PIWIL1: variants seen among roughly 807,000 people sequenced by gnomAD.
The protein encoded by PIWIL1 is piwi like RNA-mediated gene silencing 1, also known as piwi-like protein 1.
A neutral mutation model predicts 114.4 loss-of-function variants in PIWIL1; 73 were observed. That is an observed-to-expected ratio of 0.64 (90% CI 0.53 to 0.78). PIWIL1 has a LOEUF of 0.78. Among genes scored for constraint, PIWIL1 ranks in the 30% least tolerant of loss-of-function variants. The probability of loss-of-function intolerance (pLI) is 0.00; values close to 1 mark genes in which losing one functional copy is unlikely to be tolerated. For missense variants in PIWIL1, 723 were observed against 1,063.1 expected, an observed-to-expected ratio of 0.68 and a Z score of 4.45; for synonymous variants, 375 against 369.0, an observed-to-expected ratio of 1.02 and a Z score of -0.19.
At chr12:130,424,326 C>T in the PIWIL1 span, 2 of 1,231,692 alleles carry the variant, frequency 1.6e-6, no homozygotes, top group Admixed American at 4.2e-5. This position sits in a 1 kb window ranked among gnomAD's most constrained non-coding sequence, Gnocchi z 9.8. Context: ...CCTGAGGAGG[C>T]CACCAGGGCC....
chr12:130,375,532 G>A (rs934522591), downstream of PIWIL1, among the ~76,000 whole-genome samples: 7 of 152,168 alleles, frequency 4.6e-5, no homozygotes, highest in African/African-American at 1.4e-4. Context: ...CGGCACGCAC[G>A]GTCTGTGCAC....
chr12:130,375,263 G>T (rs769376807), downstream of PIWIL1, among the ~76,000 whole-genome samples: 2 of 152,140 alleles, frequency 1.3e-5, no homozygotes. Context: ...AATAAACACG[G>T]CTGGAGAAAA....
the PIWIL1 span, among the ~76,000 whole-genome samples, chr12:130,380,896 C>G: frequency 1.3e-5 from 2 of 152,160 alleles, no homozygotes; most frequent in African/African-American, 2.4e-5. Context: ...ACAAAGTAGG[C>G]CCTAGGTAGA....
chr12:130,357,662 T>C, intron 14 of PIWIL1, 109 bp downstream of exon 14: 1 of 691,372 alleles, frequency 1.4e-6, no homozygotes, highest in Non-Finnish European at 2.6e-6. Flanking sequence ...TAATAGGTTC[T>C]CAAACTAGGC....
chr12:130,389,789 TCTAA>T, the PIWIL1 span, among the ~76,000 whole-genome samples: 6 of 152,202 alleles, frequency 3.9e-5, no homozygotes, highest in Non-Finnish European at 1.5e-5. Flanking sequence ...TTTCTTCCTA[TCTAA>T]CATCTTAAGT....
intron 12 of PIWIL1, 32 bp downstream of exon 12, chr12:130,355,699 T>G: frequency 6.9e-7 from 1 of 1,449,672 alleles, no homozygotes; most frequent in Non-Finnish European, 9.7e-7. Context: ...GTTGTTGTTG[T>G]TTTTGAGACG....
At chr12:130,370,783 C>T (rs564731402) in intron 19 of PIWIL1, among the ~76,000 whole-genome samples, 3 of 152,166 alleles carry the variant, frequency 2.0e-5, no homozygotes, top group Admixed American at 6.5e-5. Flanking sequence ...GTCCCTGAAG[C>T]TCGACCCACT....
intron 9 of PIWIL1, among the ~76,000 whole-genome samples, chr12:130,350,490 G>GT (rs1565944715): frequency 6.6e-6 from 1 of 152,190 alleles, no homozygotes; most frequent in African/African-American, 2.4e-5. Flanking sequence ...ATCTAAAACA[G>GT]TTTTTAAAGA....
intron 8 of PIWIL1, 51 bp from the exon 9 acceptor site, chr12:130,349,805 T>G (rs2073166985): frequency 9.8e-7 from 1 of 1,019,988 alleles, no homozygotes; most frequent in Non-Finnish European, 1.5e-6. Flanking sequence ...CTTTTTAATA[T>G]TAGTTCTTCA....
chr12:130,423,112 G>A, the PIWIL1 span, among the ~76,000 whole-genome samples: 4 of 152,160 alleles, frequency 2.6e-5, no homozygotes, highest in South Asian at 2.1e-4. Flanking sequence ...GGACTCAGAC[G>A]GGTCTCCTTT....
chr12:130,355,640 A>G lies in PIWIL1; in HGVS notation c.1377A>G (p.Thr459=). 1.2e-6 allele frequency: 2 copies of G among 1,613,944 alleles called. No individual in the cohort carries two copies. The highest frequency in any genetic ancestry group is 8.5e-7 in the Non-Finnish European group (1 of 1,179,742). Residue 459 remains threonine, a synonymous_variant, in exon 12 of 21, where the codon ACA becomes ACG. Coordinates refer to ENST00000245255, the MANE Select transcript of PIWIL1 (RefSeq NM_004764.5). ...LLSFSGRILQ[T]EKIHQGGKTF... is the part of the protein sequence containing the mutation. ...CCTTCTCAGGAAGAATTTTGCAAACAGAAAAGATTCACCAAGGTGGAAAAA... is the reference window on the plus strand; with the variant it reads ...CCTTCTCAGGAAGAATTTTGCAAACGGAAAAGATTCACCAAGGTGGAAAAA...
the PIWIL1 span, among the ~76,000 whole-genome samples, chr12:130,404,630 C>T: frequency 3.4e-4 from 51 of 152,134 alleles, no homozygotes; most frequent in Non-Finnish European, 7.1e-4. Flanking sequence ...ATAAAGGATG[C>T]GTAAGAATAA....
At chr12:130,411,752 C>A in the PIWIL1 span, among the ~76,000 whole-genome samples, 8 of 151,914 alleles carry the variant, frequency 5.3e-5, no homozygotes, top group Non-Finnish European at 7.4e-5. Flanking sequence ...TTAATGTGGG[C>A]GATATATTCA....
At chr12:130,388,944 A>C in the PIWIL1 span, among the ~76,000 whole-genome samples, 1 of 152,164 alleles carries the variant, frequency 6.6e-6, no homozygotes, top group Non-Finnish European at 1.5e-5. Context: ...TTAAGATTAC[A>C]TCCATTATAG....
chr12:130,407,928 G>A, the PIWIL1 span: 2 of 1,048,470 alleles, frequency 1.9e-6, no homozygotes, highest in Non-Finnish European at 3.0e-6. Context: ...ATACAGCCGA[G>A]ACCTGGCACT....
chr12:130,357,017 C>T lies in PIWIL1; in HGVS notation c.1504C>T (p.Arg502Ter), dbSNP rs754777604. Residue 502 changes from arginine to a stop codon, truncating the protein, a stop_gained, in exon 13 of 21, where the codon CGA becomes TGA. Transcript: ENST00000245255. LOFTEE classifies it high-confidence loss of function. ...AGATAACTGGCTGTTGATCTATACG[C>T]GAAGAAATTATGAAGCAGCCAATTC... ...PLDNWLLIYT[R>*]RNYEAANSLI... 2.0e-5 allele frequency: 33 copies of T among 1,613,276 alleles called. No individual in the cohort carries two copies. Among genetic ancestry groups the T allele is most frequent in the Non-Finnish European group, 2.3e-5 (27 of 1,179,672 alleles).
chr12:130,377,157 G>A (rs1468092283), downstream of PIWIL1, among the ~76,000 whole-genome samples: 2 of 152,310 alleles, frequency 1.3e-5, no homozygotes, highest in Middle Eastern at 3.4e-3. Context: ...GCTAGATGCT[G>A]AGCCCATGAG....
intron 18 of PIWIL1, among the ~76,000 whole-genome samples, chr12:130,364,699 TG>T (rs1332737346): frequency 6.6e-6 from 1 of 152,194 alleles, no homozygotes; most frequent in Non-Finnish European, 1.5e-5. Flanking sequence ...TTCTCTGACT[TG>T]GCCTTTCTGT....
chr12:130,383,676 G>A, the PIWIL1 span: 1 of 152,180 alleles, frequency 6.6e-6, no homozygotes, highest in South Asian at 2.1e-4. Context: ...GTGCTAAATA[G>A]ACCAGCCCCT....
Sources: allele counts gnomAD v4.1 joint callset (sites outside exome capture counted in the v4.1 genomes callset), GRCh38; gene constraint gnomAD v4.1.1; non-coding constraint Gnocchi (gnomAD v3.1); transcripts MANE v1.5; gene names NCBI Gene and HGNC (gene_info 2026-07-23, HGNC 2026-07-21).